The following ATP13A5 variants were observed in gnomAD, a reference collection of about 807,000 sequenced individuals.
ATP13A5 encodes the protein ATPase 13A5.
A neutral mutation model predicts 150.2 loss-of-function variants in ATP13A5; 149 were observed. The observed-to-expected ratio is 0.99, with a 90% confidence interval of 0.87 to 1.14. ATP13A5 has a LOEUF of 1.14. ATP13A5 is among the 50% of genes most tolerant of loss of function. ATP13A5 has a pLI of 0.00. For synonymous variants in ATP13A5, 497 were observed against 522.2 expected, an observed-to-expected ratio of 0.95 and a Z score of 0.66; for missense variants, 1,383 against 1,449.3, an observed-to-expected ratio of 0.95 and a Z score of 0.74.
At chr3:193,317,786 C>T (rs1275153797) in intron 17 of ATP13A5, among the ~76,000 whole-genome samples, 1 of 152,126 alleles carries the variant, frequency 6.6e-6, no homozygotes, top group African/African-American at 2.4e-5. Flanking sequence ...TCTTCATTTT[C>T]TTATTTTGTT....
intron 27 of ATP13A5, among the ~76,000 whole-genome samples, chr3:193,279,822 C>G (rs1454358597): frequency 6.6e-6 from 1 of 151,826 alleles, no homozygotes; most frequent in Admixed American, 6.6e-5. Context: ...TTCAGGGATC[C>G]TCTATTGACA....
chr3:193,339,680 C>T (rs1468500466), intron 9 of ATP13A5, among the ~76,000 whole-genome samples: 1 of 151,960 alleles, frequency 6.6e-6, no homozygotes, highest in Non-Finnish European at 1.5e-5. Flanking sequence ...GTATCAATTG[C>T]ATTCTATGGC....
At chr3:193,330,711 C>T (rs1449148032) in intron 12 of ATP13A5, among the ~76,000 whole-genome samples, 1 of 152,226 alleles carries the variant, frequency 6.6e-6, no homozygotes, top group East Asian at 1.9e-4. Flanking sequence ...TCATTGTTTC[C>T]TTCCTTCCTT....
chr3:193,331,011 A>C, intron 12 of ATP13A5, 112 bp downstream of exon 12: 7 of 1,127,332 alleles, frequency 6.2e-6, no homozygotes, highest in Non-Finnish European at 7.7e-6. Flanking sequence ...CTCTGGCCTC[A>C]ACGTTCCTAT....
At position 193,364,226 on chromosome 3, in the gene ATP13A5, A is replaced by C; in HGVS notation, c.118T>G (p.Ser40Ala). The change falls in exon 2 of 30, where the codon TCC becomes GCC. Residue 40 changes from serine to alanine, a missense_variant. Ser to Ala is a moderately conservative substitution (Grantham distance 99). Transcript: ENST00000342358. ...AGAAGGCCCCCACAGGTCAGCACGGATGCGACAAGGCAGAAGGCTTTCCGT... is the reference window on the plus strand; with the variant it reads ...AGAAGGCCCCCACAGGTCAGCACGGCTGCGACAAGGCAGAAGGCTTTCCGT... ...NVRKAFCLVA[S>A]VLTCGGLLLV... 6.2e-7 allele frequency: 1 copy of C among 1,614,128 alleles called. No homozygotes were observed. Among genetic ancestry groups the C allele is most frequent in the South Asian group, 1.1e-5 (1 of 91,084 alleles).
chr3:193,285,456 C>T (rs1717683010), intron 26 of ATP13A5, among the ~76,000 whole-genome samples: 1 of 152,146 alleles, frequency 6.6e-6, no homozygotes. Context: ...AAACAAGACT[C>T]CTAACTTGAG....
intron 25 of ATP13A5, among the ~76,000 whole-genome samples, chr3:193,292,845 C>T (rs1460929204): frequency 6.6e-6 from 1 of 152,056 alleles, no homozygotes; most frequent in Non-Finnish European, 1.5e-5. Flanking sequence ...CTAATGCATA[C>T]AGGGTTCTTA....
At position 193,291,298 on chromosome 3, in the gene ATP13A5, T is replaced by C. The variant is rs567721577; in HGVS notation, c.2849-1239A>G. Among the ~76,000 whole-genome samples the C allele has an allele frequency of 9.9e-5, 15 of 152,178 alleles. No homozygotes were observed. In the South Asian group the frequency reaches 2.9e-3, roughly 29 times the overall value. On this transcript the variant is annotated intron_variant, in intron 25 of 29. Transcript: ENST00000342358. The stretch of plus-strand genomic sequence containing the variant: ...GTGCTGGGCTAGAGTCTGTGGGGTA[T>C]GCAGAGATGAGAAGGACATTCCACC...
At chr3:193,360,266 A>G (rs1478431101) in intron 5 of ATP13A5, among the ~76,000 whole-genome samples, 7 of 151,834 alleles carry the variant, frequency 4.6e-5, no homozygotes, top group Non-Finnish European at 5.9e-5. Flanking sequence ...TGCTTTCGCT[A>G]CTGAAAAGTG....
At chr3:193,324,241 C>A (rs1276125557) in intron 14 of ATP13A5, among the ~76,000 whole-genome samples, 1 of 152,110 alleles carries the variant, frequency 6.6e-6, no homozygotes, top group Non-Finnish European at 1.5e-5. Context: ...GGAGATTGAA[C>A]CAGTTGGAAT....
intron 5 of ATP13A5, among the ~76,000 whole-genome samples, chr3:193,354,940 C>CTTTTTTTTTTTTTTTTTTT (rs545467259): frequency 7.8e-6 from 1 of 127,970 alleles, no homozygotes; most frequent in Non-Finnish European, 1.6e-5. Context: ...AACAATGTAA[C>CTTTTTTTTTTTTTTTTTTT]TTTTTTTTTG....
chr3:193,277,069 G>T (rs1482642698), intron 28 of ATP13A5, among the ~76,000 whole-genome samples: 1 of 152,110 alleles, frequency 6.6e-6, no homozygotes, highest in Non-Finnish European at 1.5e-5. Context: ...GCCTCATGGT[G>T]CCTACTGAGA....
intron 9 of ATP13A5, among the ~76,000 whole-genome samples, chr3:193,341,382 C>T (rs1712122327): frequency 6.6e-6 from 1 of 152,152 alleles, no homozygotes; most frequent in South Asian, 2.1e-4. Context: ...CTCACCATGC[C>T]TTTCCTCTAC....
chr3:193,279,406 A>G lies in ATP13A5; in HGVS notation c.3275T>C (p.Ile1092Thr). Residue 1092 changes from isoleucine to threonine, a missense_variant, in exon 28 of 30, where the codon ATT (isoleucine) becomes ACT (threonine). Transcript: ENST00000342358. ...LLAALGLTIFILFSDFQVIYR... is the reference protein window; with the variant it reads ...LLAALGLTIFTLFSDFQVIYR... Reference sequence around the variant, plus strand: ...TATAACTTGAAAGTCAGAAAACAGAATGAAAATTGTGAGGCCCAAGGCAGC... The same window carrying G: ...TATAACTTGAAAGTCAGAAAACAGAGTGAAAATTGTGAGGCCCAAGGCAGC... 1 of 1,613,974 alleles carries G rather than the reference A, an allele frequency of 6.2e-7. No homozygotes were observed.
At chr3:193,278,278 ATGTAGTCTTCC>A (rs1717319045) in intron 28 of ATP13A5, among the ~76,000 whole-genome samples, 1 of 152,136 alleles carries the variant, frequency 6.6e-6, no homozygotes, top group Admixed American at 6.5e-5. Flanking sequence ...CTCCTCTCAC[ATGTAGTCTTCC>A]TGCCGTCATC....
At chr3:193,284,770 G>T (rs1376990698) in intron 27 of ATP13A5, 144 bp downstream of exon 27, 1 of 679,316 alleles carries the variant, frequency 1.5e-6, no homozygotes, top group Non-Finnish European at 2.4e-6. Context: ...CTCTACCAAC[G>T]ATGACCACTG....
chr3:193,348,619 C>T (rs1712444399), intron 7 of ATP13A5, among the ~76,000 whole-genome samples: 1 of 152,062 alleles, frequency 6.6e-6, no homozygotes, highest in African/African-American at 2.4e-5. Flanking sequence ...GATTTGGGGC[C>T]CCAGTAGATG....
chr3:193,322,665 A>G, intron 14 of ATP13A5, 91 bp from the exon 15 acceptor site: 2 of 922,708 alleles, frequency 2.2e-6, no homozygotes, highest in Non-Finnish European at 3.3e-6. Flanking sequence ...TAATCTTTTC[A>G]AAGCCATTTT....
At chr3:193,353,963 A>G (rs982958965) in intron 6 of ATP13A5, among the ~76,000 whole-genome samples, 164 bp downstream of exon 6, 17 of 152,340 alleles carry the variant, frequency 1.1e-4, no homozygotes, top group African/African-American at 4.1e-4. Context: ...CACACTGGAA[A>G]GGAATTTTAA....
Sources: allele counts gnomAD v4.1 joint callset (sites outside exome capture counted in the v4.1 genomes callset), GRCh38; gene constraint gnomAD v4.1.1; transcripts MANE v1.5; gene names NCBI Gene and HGNC (gene_info 2026-07-23, HGNC 2026-07-21).